The following RGS12 variants were observed in gnomAD, a reference collection of about 807,000 sequenced individuals.
The protein encoded by RGS12 is regulator of G protein signaling 12.
Under a neutral mutation model 120.1 loss-of-function variants are expected in RGS12, and 66 were observed. That is an observed-to-expected ratio of 0.55 (90% CI 0.45 to 0.67). The LOEUF (loss-of-function observed/expected upper bound fraction) is 0.67, where lower values mean the gene tolerates loss of function less well. Ranked by LOEUF, RGS12 falls within the 30% of genes least tolerant of loss-of-function variation. The probability of loss-of-function intolerance (pLI) is 0.00; values close to 1 mark genes in which losing one functional copy is unlikely to be tolerated. For missense variants in RGS12, 1,859 were observed against 1,957.7 expected, an observed-to-expected ratio of 0.95 and a Z score of 0.95; for synonymous variants, 827 against 804.7, an observed-to-expected ratio of 1.03 and a Z score of -0.47.
At chr4:3,370,245 C>G in intron 3 of RGS12, 1 of 1,613,712 alleles carries the variant, frequency 6.2e-7, no homozygotes, top group Non-Finnish European at 8.5e-7. Flanking sequence ...ACCCGGGTGC[C>G]TAGTGTGGCT....
rs893273074 is a variant in RGS12 at position 3,293,032 on chromosome 4, C to G, written c.-169C>G. On this transcript the variant is annotated 5_prime_UTR_variant, in exon 1 of 18. Coordinates refer to ENST00000336727, the MANE Select transcript of RGS12 (RefSeq NM_001394154.1). Reference sequence around the variant, plus strand: ...CCCCGGGGGGCGGTGGCTGCCGAGGCGACCGTTGCGCGCGCGGGCGGTGGC... The same window carrying G: ...CCCCGGGGGGCGGTGGCTGCCGAGGGGACCGTTGCGCGCGCGGGCGGTGGC... 6.7e-6 allele frequency: 1 copy of G among 148,996 alleles called. No homozygotes were observed. The highest frequency in any genetic ancestry group is 1.5e-5 in the Non-Finnish European group (1 of 66,620). 9.2% of individuals were successfully genotyped at this position (148,996 alleles called of 1,614,324 possible). A position where few individuals can be genotyped will look rare whatever the true frequency, so the allele number is the denominator to read the frequency against.
At chr4:3,423,034 C>T in intron 12 of RGS12, 56 bp downstream of exon 12, 1 of 1,405,800 alleles carries the variant, frequency 7.1e-7, no homozygotes, top group South Asian at 1.2e-5. Flanking sequence ...CCCCGTGTGC[C>T]CACCACCTGC....
the RGS12 span, among the ~76,000 whole-genome samples, chr4:3,287,880 G>A: frequency 6.6e-6 from 1 of 152,194 alleles, no homozygotes; most frequent in Non-Finnish European, 1.5e-5. Context: ...CGGGGCCTGG[G>A]TGGGGGCCCT....
intron 2 of RGS12, among the ~76,000 whole-genome samples, chr4:3,325,622 C>T (rs536585487): frequency 6.6e-6 from 1 of 152,304 alleles, no homozygotes; most frequent in African/African-American, 2.4e-5. Flanking sequence ...CTATGAAGAA[C>T]TAGTACCAAC....
At chr4:3,290,959 C>A (rs1245865701), upstream of RGS12, among the ~76,000 whole-genome samples, 1 of 152,260 alleles carries the variant, frequency 6.6e-6, no homozygotes, top group Non-Finnish European at 1.5e-5. Flanking sequence ...GGGGCCCTGG[C>A]TTTCACGGGG....
chr4:3,361,926 T>C (rs771312531), intron 3 of RGS12, among the ~76,000 whole-genome samples: 6 of 152,176 alleles, frequency 3.9e-5, no homozygotes, highest in Non-Finnish European at 8.8e-5. Context: ...GGTAGAGCTG[T>C]GTTCTTGGGA....
intron 3 of RGS12, among the ~76,000 whole-genome samples, chr4:3,364,406 C>T (rs1268726911): frequency 6.6e-6 from 1 of 152,190 alleles, no homozygotes; most frequent in Non-Finnish European, 1.5e-5. Flanking sequence ...GCAGAACCTG[C>T]TCCTGCAGAT....
intron 1 of RGS12, among the ~76,000 whole-genome samples, chr4:3,308,602 C>T (rs766794313): frequency 1.7e-4 from 26 of 152,230 alleles, no homozygotes; most frequent in Non-Finnish European, 3.2e-4. Flanking sequence ...CACCTGGCTG[C>T]CTAAGGCCCA....
In RGS12 at chr4:3,298,715, A is replaced by G. The variant is rs113129375; in HGVS notation, c.-102+5616A>G. ...GGTTTGCTTTGTATTTGTCCTGCTC[A>G]GGGTTTGTTGAACTTCTTGGATATG... On this transcript the variant is annotated intron_variant, in intron 1 of 17. Transcript: ENST00000336727. Among the ~76,000 whole-genome samples, 730 of 152,280 alleles carry G rather than the reference A, an allele frequency of 4.8e-3. 2 individuals carry two copies. Among genetic ancestry groups the G allele is most frequent in the Non-Finnish European group, 7.4e-3 (506 of 68,030 alleles).
chr4:3,345,613 C>A (rs1471421215), intron 3 of RGS12, among the ~76,000 whole-genome samples: 1 of 152,168 alleles, frequency 6.6e-6, no homozygotes, highest in East Asian at 1.9e-4. Context: ...GGCCCTCAGG[C>A]GCAGTCTACC....
chr4:3,289,068 CCCT>C (rs953492270), upstream of RGS12, among the ~76,000 whole-genome samples: 7 of 152,222 alleles, frequency 4.6e-5, no homozygotes, highest in African/African-American at 1.7e-4. Flanking sequence ...TCCCACCTCC[CCCT>C]ATCAGCCTCC....
At chr4:3,308,713 C>T (rs986264361) in intron 1 of RGS12, among the ~76,000 whole-genome samples, 1 of 152,214 alleles carries the variant, frequency 6.6e-6, no homozygotes, top group African/African-American at 2.4e-5. Flanking sequence ...GGACTTTTTT[C>T]ATCTCCCTGC....
In RGS12 at chr4:3,403,618, AC is replaced by A. The variant is rs1720813114; in HGVS notation, c.2021-10451del. ...TGCTATTCCAGATCCCTGTTTTCTA[AC>A]CCTCAGCAGGCTCTGCTGTTGTGGC... On this transcript the variant is annotated intron_variant, in intron 4 of 17. Transcript: ENST00000336727. 5.9e-5 allele frequency among the ~76,000 whole-genome samples: 9 copies of A among 152,250 alleles called. No homozygotes were observed. The South Asian group carries it at 1.9e-3, about 32-fold the overall frequency.
upstream of RGS12, among the ~76,000 whole-genome samples, chr4:3,292,436 G>A (rs958436124): frequency 2.0e-5 from 3 of 152,166 alleles, no homozygotes; most frequent in Admixed American, 6.5e-5. Flanking sequence ...GGCTGTCCCC[G>A]TGGCTTCGCC....
rs200006326 is a variant in RGS12, at chr4:3,422,284, G to A, written c.2839-92G>A. The A allele has an allele frequency of 7.6e-4, 1,013 of 1,336,084 alleles. 25 individuals carry two copies. In the South Asian group the frequency reaches 0.011, roughly 15 times the overall value. The allele number at this position is 1,336,084 out of a possible 1,614,324, so 82.8% of individuals were successfully genotyped here. A position where few individuals can be genotyped will look rare whatever the true frequency, so the allele number is the denominator to read the frequency against. On this transcript the variant is annotated intron_variant, in intron 10 of 17. Transcript: ENST00000336727. ...GGCAGGGCGCCAGCCTCCCCAGCAC[G>A]TGCGGCCTGGGCCAGCTGGGCTGCT...
In RGS12 at chr4:3,372,577, C is replaced by G. The variant is rs1159575822; in HGVS notation, c.1999-13839C>G. ...CCTCGGGTGCATCCACGCTGGCCCCCCCAGGTGTGCCCTGTGTGGCCGGCA... is the reference window on the plus strand; with the variant it reads ...CCTCGGGTGCATCCACGCTGGCCCCGCCAGGTGTGCCCTGTGTGGCCGGCA... On this transcript the variant is annotated intron_variant, in intron 3 of 17. Coordinates refer to ENST00000336727, the MANE Select transcript of RGS12 (RefSeq NM_001394154.1). The surrounding 1 kb of genome is among the most constrained non-coding windows in gnomAD (Gnocchi z 4.3). 2.0e-5 allele frequency among the ~76,000 whole-genome samples: 3 copies of G among 152,358 alleles called. No individual in the cohort carries two copies. In the East Asian group the frequency reaches 5.8e-4, roughly 29 times the overall value.
intron 2 of RGS12, among the ~76,000 whole-genome samples, chr4:3,334,067 A>G (rs969408938): frequency 1.3e-5 from 2 of 152,186 alleles, no homozygotes; most frequent in Non-Finnish European, 2.9e-5. Context: ...CCTTTTAAAA[A>G]TTGTAAATGC....
chr4:3,288,771 T>G (rs545963857), upstream of RGS12, among the ~76,000 whole-genome samples: 1 of 152,304 alleles, frequency 6.6e-6, no homozygotes, highest in Non-Finnish European at 1.5e-5. The surrounding 1 kb of genome is among the most constrained non-coding windows in gnomAD (Gnocchi z 5.2). Flanking sequence ...TCTGGGCCTT[T>G]GCACCGATTC....
At chr4:3,417,267 G>A in intron 8 of RGS12, 121 bp from the exon 9 acceptor site, 2 of 1,325,906 alleles carry the variant, frequency 1.5e-6, no homozygotes, top group Non-Finnish European at 2.0e-6. Context: ...ACCATGACCT[G>A]TAGAAGTGAT....
Sources: gnomAD v4.1 joint callset for allele counts (sites outside exome capture counted in the v4.1 genomes callset) on GRCh38, gnomAD v4.1.1 for gene constraint, Gnocchi (gnomAD v3.1) non-coding constraint, MANE v1.5 for transcripts, NCBI Gene and HGNC (gene_info 2026-07-23, HGNC 2026-07-21) for gene names.